The following ANKRD9 variants were observed in gnomAD, a reference collection of about 807,000 sequenced individuals.
ANKRD9 encodes ankyrin repeat domain 9, also known as ankyrin repeat domain-containing protein 9.
ANKRD9 carries 13 observed loss-of-function variants against 19.2 expected under a neutral mutation model. The ratio of observed to expected loss-of-function variants is 0.68; its 90% CI spans 0.44 to 1.08. The LOEUF (loss-of-function observed/expected upper bound fraction) is 1.08, where lower values mean the gene tolerates loss of function less well. Ranked by LOEUF, ANKRD9 falls within the 50% of genes least tolerant of loss-of-function variation. The pLI, the probability that ANKRD9 is intolerant of heterozygous loss-of-function variation, is 0.00. For synonymous variants in ANKRD9, 278 were observed against 256.8 expected (o/e 1.08, Z -0.79); for missense variants, 518 against 499.9 (o/e 1.04, Z -0.34).
chr14:102,507,367 G>A lies in ANKRD9; in HGVS notation c.523C>T (p.Leu175Phe). 2 of 1,332,392 alleles carry A rather than the reference G, an allele frequency of 1.5e-6. No homozygotes were observed. Among genetic ancestry groups the A allele is most frequent in the South Asian group, 1.5e-5 (1 of 66,490 alleles). 82.5% of individuals were successfully genotyped at this position (1,332,392 alleles called of 1,614,324 possible). Residue 175 changes from leucine to phenylalanine, a missense_variant, in exon 4 of 4, where the codon CTC (leucine) becomes TTC (phenylalanine). Physicochemically the swap from Leu to Phe is conservative, Grantham distance 22. Transcript: ENST00000286918. The surrounding 1 kb of genome is among the most constrained non-coding windows in gnomAD (Gnocchi z 9.2). ...VACELARPEC[L>F]FLLLGHGASP... Reference sequence around the variant, plus strand: ...GCGCCGTGGCCCAGCAGCAGGAAGAGGCACTCGGGGCGCGCCAGCTCACAG... The same window carrying A: ...GCGCCGTGGCCCAGCAGCAGGAAGAAGCACTCGGGGCGCGCCAGCTCACAG...
At position 102,508,123 on chromosome 14, in the gene ANKRD9, C is replaced by T. The variant is rs1891674869; in HGVS notation, c.-53-181G>A. Among the ~76,000 whole-genome samples the T allele has an allele frequency of 6.6e-6, 1 of 152,146 alleles. No individual in the cohort carries two copies. The highest frequency in any genetic ancestry group is 2.4e-5 in the African/African-American group (1 of 41,420). On this transcript the variant is annotated intron_variant, in intron 3 of 3. Transcript: ENST00000286918. The surrounding 1 kb of genome is among the most constrained non-coding windows in gnomAD (Gnocchi z 6.2). ...ATCTCTCCGACGCCCAGAACCACCG[C>T]CTCCATCCTTGATCTAGCTGTACCT...
intron 1 of ANKRD9, chr14:102,509,328 G>C (rs1891716137): frequency 6.6e-6 from 1 of 152,094 alleles, no homozygotes; most frequent in Admixed American, 6.5e-5. Flanking sequence ...CGAAGGCAGC[G>C]CCGCGCCCGG....
chr14:102,505,119 G>A lies in ANKRD9; in HGVS notation c.*1817C>T, dbSNP rs1449134479. Reference sequence around the variant, plus strand: ...CTATAGAGAACAGAGCTGGAGCTGGGGAGACATGAAGTCTGCACATCTAGA... The same window carrying A: ...CTATAGAGAACAGAGCTGGAGCTGGAGAGACATGAAGTCTGCACATCTAGA... On this transcript the variant is annotated 3_prime_UTR_variant, in exon 4 of 4. Coordinates refer to ENST00000286918, the MANE Select transcript of ANKRD9 (RefSeq NM_152326.4). The A allele has an allele frequency of 6.6e-6, 1 of 152,470 alleles. No individual in the cohort carries two copies. The highest frequency in any genetic ancestry group is 2.4e-5 in the African/African-American group (1 of 41,446). The allele number at this position is 152,470 out of a possible 1,614,324, so 9.4% of individuals were successfully genotyped here. A position where few individuals can be genotyped will look rare whatever the true frequency, so the allele number is the denominator to read the frequency against.
chr14:102,509,163 T>G (rs928722795), intron 1 of ANKRD9: 1 of 151,890 alleles, frequency 6.6e-6, no homozygotes, highest in Non-Finnish European at 1.5e-5. Context: ...GGCAACACCG[T>G]GACTGGAGCC....
chr14:102,509,735 G>T lies in ANKRD9; in HGVS notation c.-541C>A, dbSNP rs996588009. On this transcript the variant is annotated 5_prime_UTR_variant, in exon 1 of 4. Coordinates refer to ENST00000286918, the MANE Select transcript of ANKRD9 (RefSeq NM_152326.4). Reference sequence around the variant, plus strand: ...TGCCGTCGCCGGCGGCGGGCGGCGGGCGGCGGGCGGCGGGCGGCGCAGTGC... The same window carrying T: ...TGCCGTCGCCGGCGGCGGGCGGCGGTCGGCGGGCGGCGGGCGGCGCAGTGC... 2 of 145,884 alleles carry T rather than the reference G, an allele frequency of 1.4e-5. No individual in the cohort carries two copies. Among genetic ancestry groups the T allele is most frequent in the African/African-American group, 4.9e-5 (2 of 40,762 alleles). The allele number at this position is 145,884 out of a possible 1,614,324, so 9.0% of individuals were successfully genotyped here. A position where few individuals can be genotyped will look rare whatever the true frequency, so the allele number is the denominator to read the frequency against.
rs1193822687 is a variant in ANKRD9 at position 102,507,570 on chromosome 14, A to T, written c.320T>A (p.Phe107Tyr). ...RRALAPPSAG[F>Y]RCCAAPGPHV... ...CGGCCCGGGAGCCGCGCAGCAGCGG[A>T]AGCCGGCACTGGGCGGTGCGAGCGC... The change falls in exon 4 of 4, where the codon TTC (phenylalanine) becomes TAC (tyrosine). Residue 107 changes from phenylalanine to tyrosine, a missense_variant. Phe to Tyr is a conservative substitution (Grantham distance 22). Coordinates refer to ENST00000286918, the MANE Select transcript of ANKRD9 (RefSeq NM_152326.4). The surrounding 1 kb of genome is among the most constrained non-coding windows in gnomAD (Gnocchi z 9.2). 2.2e-6 allele frequency: 3 copies of T among 1,366,538 alleles called. No individual in the cohort carries two copies. Among genetic ancestry groups the T allele is most frequent in the Non-Finnish European group, 2.8e-6 (3 of 1,060,462 alleles). 84.7% of individuals were successfully genotyped at this position (1,366,538 alleles called of 1,614,324 possible). A position where few individuals can be genotyped will look rare whatever the true frequency, so the allele number is the denominator to read the frequency against.
Position 102,507,172 on chromosome 14 carries a change from G to A in ANKRD9, c.718C>T (p.Pro240Ser). 1 of 1,399,138 alleles carries A rather than the reference G, an allele frequency of 7.1e-7. No homozygotes were observed. Among genetic ancestry groups the A allele is most frequent in the Non-Finnish European group, 9.2e-7 (1 of 1,084,438 alleles). The allele number at this position is 1,399,138 out of a possible 1,614,324, so 86.7% of individuals were successfully genotyped here. A position where few individuals can be genotyped will look rare whatever the true frequency, so the allele number is the denominator to read the frequency against. Residue 240 changes from proline (P) to serine (S), a missense_variant, in exon 4 of 4, where the codon CCC (proline) becomes TCC (serine). Physicochemically the swap from Pro to Ser is moderately conservative, Grantham distance 74. Transcript: ENST00000286918. The surrounding 1 kb of genome is among the most constrained non-coding windows in gnomAD (Gnocchi z 9.2). Reference sequence around the variant, plus strand: ...CGGGCCGAGCCGGCGGCACCCACGGGGGTGTACAGCGCCAGGAGGTCCAGC... The same window carrying A: ...CGGGCCGAGCCGGCGGCACCCACGGAGGTGTACAGCGCCAGGAGGTCCAGC... ...LLLDLLALYT[P>S]VGAAGSARQE...
chr14:102,506,208 G>T lies in ANKRD9; in HGVS notation c.*728C>A, dbSNP rs1027306173. On this transcript the variant is annotated 3_prime_UTR_variant, in exon 4 of 4. Transcript: ENST00000286918. ...GGACAGAGGGCAGGCCTGGAGGAAG[G>T]CACATCCAACCCCACTGACCGGCAT... The T allele has an allele frequency of 6.6e-6, 1 of 152,288 alleles. No homozygotes were observed. Among genetic ancestry groups the T allele is most frequent in the Admixed American group, 6.5e-5 (1 of 15,288 alleles). The allele number at this position is 152,288 out of a possible 1,614,324, so 9.4% of individuals were successfully genotyped here.
rs1891669506 is a variant in ANKRD9, at chr14:102,507,949, G to C, written c.-53-7C>G. ...GGATCCCGCGAAGGCACACCTGCGG[G>C]GAAAGGAAGAGGCCACGGTGAGGCG... On this transcript the variant is annotated splice_region_variant and splice_polypyrimidine_tract_variant and intron_variant, in intron 3 of 3. Coordinates refer to ENST00000286918, the MANE Select transcript of ANKRD9 (RefSeq NM_152326.4). This position sits in a 1 kb window ranked among gnomAD's most constrained non-coding sequence, Gnocchi z 9.2. 1 of 1,093,850 alleles carries C rather than the reference G, an allele frequency of 9.1e-7. No individual in the cohort carries two copies. Among genetic ancestry groups the C allele is most frequent in the East Asian group, 6.0e-5 (1 of 16,712 alleles). The allele number at this position is 1,093,850 out of a possible 1,614,324, so 67.8% of individuals were successfully genotyped here. A position where few individuals can be genotyped will look rare whatever the true frequency, so the allele number is the denominator to read the frequency against.
In ANKRD9 at chr14:102,505,535, A is replaced by ACTTCCCAGAAACAGGAGTCACATCCTTT. The variant is rs1891563830; in HGVS notation, c.*1373_*1400dup. On this transcript the variant is annotated 3_prime_UTR_variant, in exon 4 of 4. Coordinates refer to ENST00000286918, the MANE Select transcript of ANKRD9 (RefSeq NM_152326.4). ...TGTAGGCCCACCTAACACACCACAC[A>ACTTCCCAGAAACAGGAGTCACATCCTTT]CTTCCCAGAAACAGGAGTCACATCC... 2 of 152,036 alleles carry ACTTCCCAGAAACAGGAGTCACATCCTTT rather than the reference A, an allele frequency of 1.3e-5. No individual in the cohort carries two copies. Among genetic ancestry groups the ACTTCCCAGAAACAGGAGTCACATCCTTT allele is most frequent in the Non-Finnish European group, 2.9e-5 (2 of 68,022 alleles). 9.4% of individuals were successfully genotyped at this position (152,036 alleles called of 1,614,324 possible).
chr14:102,505,900 G>C lies in ANKRD9; in HGVS notation c.*1036C>G, dbSNP rs573241743. ...CACTGTGGCCCTCCTGCCCACGTTG[G>C]TGCGGGTTGAATTTGACGGCCCAGC... On this transcript the variant is annotated 3_prime_UTR_variant, in exon 4 of 4. Transcript: ENST00000286918. The C allele has an allele frequency of 6.6e-6, 1 of 152,384 alleles. No homozygotes were observed. Among genetic ancestry groups the C allele is most frequent in the East Asian group, 1.9e-4 (1 of 5,170 alleles). 9.4% of individuals were successfully genotyped at this position (152,384 alleles called of 1,614,324 possible).
Position 102,507,842 on chromosome 14 carries a change from G to A in ANKRD9, c.48C>T (p.Pro16=), listed in dbSNP as rs1231140547. The A allele has an allele frequency of 1.6e-6, 2 of 1,282,194 alleles. No individual in the cohort carries two copies. The highest frequency in any genetic ancestry group is 1.6e-5 in the African/African-American group (1 of 63,122). 79.4% of individuals were successfully genotyped at this position (1,282,194 alleles called of 1,614,324 possible). A position where few individuals can be genotyped will look rare whatever the true frequency, so the allele number is the denominator to read the frequency against. ...RRPGGGADGG[P]EASGAARSRA... ...GCGAGCGCGCCGCGCCCGAGGCCTC[G>A]GGCCCGCCGTCCGCGCCACCCCCAG... Residue 16 remains proline, a synonymous_variant, in exon 4 of 4, where the codon CCC becomes CCT. Transcript: ENST00000286918. The surrounding 1 kb of genome is among the most constrained non-coding windows in gnomAD (Gnocchi z 9.2).
At position 102,506,353 on chromosome 14, in the gene ANKRD9, G is replaced by A. The variant is rs1451729225; in HGVS notation, c.*583C>T. 2 of 152,362 alleles carry A rather than the reference G, an allele frequency of 1.3e-5. No homozygotes were observed. The highest frequency in any genetic ancestry group is 1.3e-4 in the Admixed American group (2 of 15,292). 9.4% of individuals were successfully genotyped at this position (152,362 alleles called of 1,614,324 possible). ...GGAGACAGGGACAAATCCAGGCCTGGGTGGGCTGCCTGTCAGGGGGAGTGA... is the reference window on the plus strand; with the variant it reads ...GGAGACAGGGACAAATCCAGGCCTGAGTGGGCTGCCTGTCAGGGGGAGTGA... On this transcript the variant is annotated 3_prime_UTR_variant, in exon 4 of 4. Coordinates refer to ENST00000286918, the MANE Select transcript of ANKRD9 (RefSeq NM_152326.4).
rs1304020991 is a variant in ANKRD9, at chr14:102,507,452, G to A, written c.438C>T (p.Arg146=). 1.7e-5 allele frequency: 24 copies of A among 1,396,008 alleles called. 1 individual carries two copies. The East Asian group carries it at 7.8e-4, about 45-fold the overall frequency. The allele number at this position is 1,396,008 out of a possible 1,614,324, so 86.5% of individuals were successfully genotyped here. ...LRDFPAEERA[R]VLDRRGCSRV... ...GGCTGCAGCCACGCCGGTCCAGCAC[G>A]CGCGCCCGCTCCTCGGCCGGGAAGT... The change falls in exon 4 of 4, where the codon CGC becomes CGT. Residue 146 remains arginine (R), a synonymous_variant. Transcript: ENST00000286918. This position sits in a 1 kb window ranked among gnomAD's most constrained non-coding sequence, Gnocchi z 9.2.
At position 102,509,568 on chromosome 14, in the gene ANKRD9, C is replaced by T. The variant is rs1305635302; in HGVS notation, c.-374G>A. 2.0e-5 allele frequency: 3 copies of T among 146,686 alleles called. No homozygotes were observed. The highest frequency in any genetic ancestry group is 6.8e-5 in the Admixed American group (1 of 14,784). The allele number at this position is 146,686 out of a possible 1,614,324, so 9.1% of individuals were successfully genotyped here. A position where few individuals can be genotyped will look rare whatever the true frequency, so the allele number is the denominator to read the frequency against. The stretch of plus-strand genomic sequence containing the variant: ...GGGCCACAGGCCGGGCGTCCCCGCC[C>T]CTGCCGCGGACCGGAGCGCGCGCTG... On this transcript the variant is annotated 5_prime_UTR_variant, in exon 1 of 4. Coordinates refer to ENST00000286918, the MANE Select transcript of ANKRD9 (RefSeq NM_152326.4).
At position 102,506,977 on chromosome 14, in the gene ANKRD9, G is replaced by C; in HGVS notation, c.913C>G (p.Pro305Ala). 6.4e-7 allele frequency: 1 copy of C among 1,567,886 alleles called. No homozygotes were observed. The highest frequency in any genetic ancestry group is 8.6e-7 in the Non-Finnish European group (1 of 1,157,228). ...FPEALDELPLPPFLQPLDLTG... is the reference protein window; with the variant it reads ...FPEALDELPLAPFLQPLDLTG... ...AGGTCCAACGGCTGCAGGAATGGGG[G>C]CAGCGGCAGCTCGTCCAGGGCCTCG... Residue 305 changes from proline (P) to alanine (A), a missense_variant, in exon 4 of 4, where the codon CCC becomes GCC. Coordinates refer to ENST00000286918, the MANE Select transcript of ANKRD9 (RefSeq NM_152326.4).
Position 102,505,862 on chromosome 14 carries a change from G to C in ANKRD9, c.*1074C>G, listed in dbSNP as rs1891575606. 6.6e-6 allele frequency: 1 copy of C among 152,316 alleles called. No individual in the cohort carries two copies. The highest frequency in any genetic ancestry group is 2.4e-5 in the African/African-American group (1 of 41,424). The allele number at this position is 152,316 out of a possible 1,614,324, so 9.4% of individuals were successfully genotyped here. A position where few individuals can be genotyped will look rare whatever the true frequency, so the allele number is the denominator to read the frequency against. Reference sequence around the variant, plus strand: ...TCCTCCTGCAGACCTTCAGCCCTCTGCTCCTGGCAGGACACTGTGGCCCTC... The same window carrying C: ...TCCTCCTGCAGACCTTCAGCCCTCTCCTCCTGGCAGGACACTGTGGCCCTC... On this transcript the variant is annotated 3_prime_UTR_variant, in exon 4 of 4. Transcript: ENST00000286918.
chr14:102,506,869 A>G lies in ANKRD9; in HGVS notation c.*67T>C. The G allele has an allele frequency of 2.2e-6, 3 of 1,384,934 alleles. No individual in the cohort carries two copies. Among genetic ancestry groups the G allele is most frequent in the Non-Finnish European group, 2.8e-6 (3 of 1,070,320 alleles). The allele number at this position is 1,384,934 out of a possible 1,614,324, so 85.8% of individuals were successfully genotyped here. A position where few individuals can be genotyped will look rare whatever the true frequency, so the allele number is the denominator to read the frequency against. On this transcript the variant is annotated 3_prime_UTR_variant, in exon 4 of 4. Transcript: ENST00000286918. ...GTGCCGTACAGAGATCAATATATAT[A>G]AAGTGCCGGTACAACGCTCTGAAAA...
In ANKRD9 at chr14:102,507,467, G is replaced by C; in HGVS notation, c.423C>G (p.Ala141=). 7.1e-7 allele frequency: 1 copy of C among 1,398,650 alleles called. No individual in the cohort carries two copies. Among genetic ancestry groups the C allele is most frequent in the Non-Finnish European group, 9.3e-7 (1 of 1,072,986 alleles). 86.6% of individuals were successfully genotyped at this position (1,398,650 alleles called of 1,614,324 possible). The part of the protein sequence containing the change: ...RILRTLRDFP[A]EERARVLDRR... ...GGTCCAGCACGCGCGCCCGCTCCTC[G>C]GCCGGGAAGTCGCGCAAGGTGCGCA... is the stretch of plus-strand genomic sequence containing the variant. The change falls in exon 4 of 4, where the codon GCC becomes GCG. Residue 141 remains alanine, a synonymous_variant. Coordinates refer to ENST00000286918, the MANE Select transcript of ANKRD9 (RefSeq NM_152326.4). The surrounding 1 kb of genome is among the most constrained non-coding windows in gnomAD (Gnocchi z 9.2).
Sources: gnomAD v4.1 joint callset for allele counts (sites outside exome capture counted in the v4.1 genomes callset) on GRCh38, gnomAD v4.1.1 for gene constraint, Gnocchi (gnomAD v3.1) non-coding constraint, MANE v1.5 for transcripts, NCBI Gene and HGNC (gene_info 2026-07-23, HGNC 2026-07-21) for gene names.